The following PLK5 variants were observed in gnomAD, a reference collection of about 807,000 sequenced individuals.
PLK5 encodes polo like kinase 5 (inactive).
Under a neutral mutation model 33.7 loss-of-function variants are expected in PLK5, and 28 were observed. That is an observed-to-expected ratio of 0.83 (90% CI 0.62 to 1.14). The LOEUF is 1.14. Ranked by LOEUF, PLK5 falls within the 50% of genes most tolerant of loss-of-function variation. PLK5 has a pLI of 0.00. For missense variants in PLK5, 492 were observed against 461.5 expected (o/e 1.07, Z -0.61); for synonymous variants, 225 against 202.2 (o/e 1.11, Z -0.96).
rs1669966687 is a variant in PLK5, at chr19:1,528,976, T to A, written c.405+2T>A. 6.6e-7 allele frequency: 1 copy of A among 1,505,040 alleles called. No homozygotes were observed. The highest frequency in any genetic ancestry group is 2.2e-5 in the Admixed American group (1 of 45,414). The allele number at this position is 1,505,040 out of a possible 1,614,324, so 93.2% of individuals were successfully genotyped here. The stretch of plus-strand genomic sequence containing the variant: ...GACTCCATGGAGTGGGACGGCGAGG[T>A]GAGACATCGGGGTGGGGGACACGGG... On this transcript the variant is annotated splice_donor_variant, in intron 9 of 13. Coordinates refer to ENST00000454744, the MANE Select transcript of PLK5 (RefSeq NM_001243079.2). LOFTEE classifies it high-confidence loss of function.
rs1421517445 is a variant in PLK5, at chr19:1,533,984, G to A, written c.768G>A (p.Leu256=). The change falls in exon 13 of 14, where the codon CTG becomes CTA. Residue 256 remains leucine, a synonymous_variant. Coordinates refer to ENST00000454744, the MANE Select transcript of PLK5 (RefSeq NM_001243079.2). ...VPPAGPGLCL[L]RFLASEHALL... is the part of the protein sequence containing the mutation. ...CTGCTGGACCCGGCCTCTGCCTCCT[G>A]CGCTTCCTGGCCTCTGAGCACGCCC... The A allele has an allele frequency of 6.5e-7, 1 of 1,535,342 alleles. No individual in the cohort carries two copies. Among genetic ancestry groups the A allele is most frequent in the Non-Finnish European group, 8.7e-7 (1 of 1,146,804 alleles).
intron 11 of PLK5, 122 bp downstream of exon 11, chr19:1,529,946 C>T (rs1353941014): frequency 2.0e-6 from 2 of 1,023,186 alleles, no homozygotes; most frequent in Non-Finnish European, 2.8e-6. Context: ...TGAGGGAGGC[C>T]CCAGGACACG....
At chr19:1,530,985 A>C (rs1291721000) in intron 11 of PLK5, among the ~76,000 whole-genome samples, 1 of 152,028 alleles carries the variant, frequency 6.6e-6, no homozygotes, top group Non-Finnish European at 1.5e-5. Flanking sequence ...CCAGATACTC[A>C]GGAGGCTGAG....
chr19:1,528,187 A>G, intron 7 of PLK5, 53 bp downstream of exon 7: 7 of 1,481,780 alleles, frequency 4.7e-6, no homozygotes, highest in Admixed American at 2.2e-5. Flanking sequence ...CTGGCAGGTG[A>G]TGAGCCAGAG....
chr19:1,534,710 G>C (rs1466604234), intron 13 of PLK5, among the ~76,000 whole-genome samples: 4 of 147,450 alleles, frequency 2.7e-5, no homozygotes, highest in African/African-American at 1.0e-4. Context: ...CCAGCTACTG[G>C]GGAGGCTGAG....
intron 12 of PLK5, among the ~76,000 whole-genome samples, chr19:1,532,813 C>T (rs1031428369): frequency 5.9e-5 from 9 of 152,070 alleles, no homozygotes; most frequent in African/African-American, 4.8e-5. Flanking sequence ...TGAGCCACCG[C>T]GCTCAGCCAC....
In PLK5 at chr19:1,535,412, G is replaced by C. The variant is rs1914069844; in HGVS notation, c.*162G>C. ...GGCATGACTGTTCAACCCAGACTTT[G>C]CTGGGATCTCTTCCTTTTTCATTAA... On this transcript the variant is annotated 3_prime_UTR_variant, in exon 14 of 14. Transcript: ENST00000454744. The C allele has an allele frequency of 4.3e-6, 3 of 689,744 alleles. No homozygotes were observed. Among genetic ancestry groups the C allele is most frequent in the Non-Finnish European group, 6.7e-6 (3 of 445,132 alleles). 42.7% of individuals were successfully genotyped at this position (689,744 alleles called of 1,614,324 possible).
intron 6 of PLK5, among the ~76,000 whole-genome samples, chr19:1,527,598 T>C (rs1470994311): frequency 7.2e-6 from 1 of 138,546 alleles, no homozygotes; most frequent in Non-Finnish European, 1.6e-5. Flanking sequence ...TGAGACCCTG[T>C]CTTTAAAAAA....
intron 6 of PLK5, among the ~76,000 whole-genome samples, chr19:1,527,272 G>A (rs1056502430): frequency 5.9e-5 from 9 of 152,016 alleles, no homozygotes; most frequent in African/African-American, 2.2e-4. Context: ...CAGCGTGTGT[G>A]GGCGCAGGGC....
intron 11 of PLK5, among the ~76,000 whole-genome samples, chr19:1,531,522 CCA>C (rs1913927311): frequency 6.6e-6 from 1 of 152,272 alleles, no homozygotes; most frequent in Middle Eastern, 3.4e-3. Context: ...CGCCAGTATC[CCA>C]CAGTCTCCCT....
At chr19:1,534,595 G>A (rs1914034670) in intron 13 of PLK5, among the ~76,000 whole-genome samples, 9 of 149,950 alleles carry the variant, frequency 6.0e-5, no homozygotes, top group African/African-American at 2.2e-4. Context: ...CACGAGGTCA[G>A]GAGATAGAGA....
chr19:1,524,545 G>C lies in PLK5; in HGVS notation c.-544+299G>C, dbSNP rs935907305. ...GTGTGTGCGAGCCTGGCGAGGGTCT[G>C]AGTGTGCCGCGTCTGTGCCCGCTGC... On this transcript the variant is annotated intron_variant, in intron 1 of 13. Coordinates refer to ENST00000454744, the MANE Select transcript of PLK5 (RefSeq NM_001243079.2). This position sits in a 1 kb window ranked among gnomAD's most constrained non-coding sequence, Gnocchi z 4.5. 6.6e-6 allele frequency among the ~76,000 whole-genome samples: 1 copy of C among 152,146 alleles called. No individual in the cohort carries two copies. The highest frequency in any genetic ancestry group is 6.5e-5 in the Admixed American group (1 of 15,276).
At chr19:1,534,649 CAA>C (rs531471498) in intron 13 of PLK5, among the ~76,000 whole-genome samples, 39,064 of 138,452 alleles carry the variant, frequency 0.28, 6,117 homozygotes, top group East Asian at 0.65. Context: ...ACTAAAAATA[CAA>C]AAAAAAAAAA....
intron 13 of PLK5, among the ~76,000 whole-genome samples, chr19:1,534,503 T>C (rs1286323515): frequency 1.2e-5 from 1 of 86,200 alleles, no homozygotes; most frequent in Admixed American, 1.5e-4. Context: ...CAAGACTTCG[T>C]CTCAAAAAAA....
intron 3 of PLK5, among the ~76,000 whole-genome samples, chr19:1,526,236 G>A (rs988469843): frequency 6.6e-6 from 1 of 152,020 alleles, no homozygotes; most frequent in Non-Finnish European, 1.5e-5. Context: ...CACCAGCGCC[G>A]TGTTCACCCT....
chr19:1,533,895 C>G lies in PLK5; in HGVS notation c.715-36C>G, dbSNP rs746468317. The G allele has an allele frequency of 1.7e-5, 25 of 1,478,574 alleles. No individual in the cohort carries two copies. In the South Asian group the frequency reaches 2.9e-4, roughly 17 times the overall value. The allele number at this position is 1,478,574 out of a possible 1,614,324, so 91.6% of individuals were successfully genotyped here. On this transcript the variant is annotated intron_variant, in intron 12 of 13. Coordinates refer to ENST00000454744, the MANE Select transcript of PLK5 (RefSeq NM_001243079.2). ...GTGGGGGCGAGGGGTGGGGACGCCC[C>G]CTGCGTCACGTGACCTCAGCCGAGT...
chr19:1,533,781 GCCTGCTGGGC>G (rs1012971302), intron 12 of PLK5, 140 bp from the exon 13 acceptor site: 107 of 648,954 alleles, frequency 1.6e-4, no homozygotes, highest in Non-Finnish European at 2.6e-4. Context: ...GATGTGCCCG[GCCTGCTGGGC>G]GCCAAGCTGG....
chr19:1,535,282 G>A lies in PLK5; in HGVS notation c.*32G>A, dbSNP rs1319709964. ...TGAGGGTCAGAGTGGACCCCTGCATGGTAGTGCCAGGGACCCAGGCTCCAT... is the reference window on the plus strand; with the variant it reads ...TGAGGGTCAGAGTGGACCCCTGCATAGTAGTGCCAGGGACCCAGGCTCCAT... On this transcript the variant is annotated 3_prime_UTR_variant, in exon 14 of 14. Coordinates refer to ENST00000454744, the MANE Select transcript of PLK5 (RefSeq NM_001243079.2). 1.3e-6 allele frequency: 2 copies of A among 1,516,054 alleles called. No homozygotes were observed. Among genetic ancestry groups the A allele is most frequent in the Non-Finnish European group, 1.8e-6 (2 of 1,136,296 alleles). 93.9% of individuals were successfully genotyped at this position (1,516,054 alleles called of 1,614,324 possible).
chr19:1,528,835 GC>G, intron 8 of PLK5, 62 bp from the exon 9 acceptor site: 2 of 1,235,662 alleles, frequency 1.6e-6, no homozygotes, highest in Non-Finnish European at 2.2e-6. Flanking sequence ...GGTGGCAGGT[GC>G]CCCCCTACCC....
Sources: allele counts gnomAD v4.1 joint callset (sites outside exome capture counted in the v4.1 genomes callset), GRCh38; gene constraint gnomAD v4.1.1; non-coding constraint Gnocchi (gnomAD v3.1); transcripts MANE v1.5; gene names NCBI Gene and HGNC (gene_info 2026-07-23, HGNC 2026-07-21).